The following PTPRS variants were observed in gnomAD, a reference collection of about 807,000 sequenced individuals.
PTPRS encodes protein tyrosine phosphatase receptor type S.
A neutral mutation model predicts 215.3 loss-of-function variants in PTPRS; 63 were observed. That is an observed-to-expected ratio of 0.29 (90% CI 0.24 to 0.36). The LOEUF (loss-of-function observed/expected upper bound fraction) is 0.36. Ranked by LOEUF, PTPRS falls within the 10% of genes least tolerant of loss-of-function variation. PTPRS has a pLI of 1.00. For synonymous variants in PTPRS, 1,404 were observed against 1,191.4 expected, an observed-to-expected ratio of 1.18 and a Z score of -3.68; for missense variants, 2,258 against 2,825.8, an observed-to-expected ratio of 0.80 and a Z score of 4.56.
rs1394384908 is a variant in PTPRS at position 5,315,624 on chromosome 19, T to C, written c.-95+25040A>G. ...AAGCGATCCTCCCACCTCAGCCTCCTGAGTAGCTGGGACAATAGGCAAATG... is the reference window on the plus strand; with the variant it reads ...AAGCGATCCTCCCACCTCAGCCTCCCGAGTAGCTGGGACAATAGGCAAATG... On this transcript the variant is annotated intron_variant, in intron 1 of 37. Coordinates refer to ENST00000262963, the MANE Select transcript of PTPRS (RefSeq NM_002850.4). 3.3e-5 allele frequency among the ~76,000 whole-genome samples: 5 copies of C among 150,594 alleles called. No homozygotes were observed. The East Asian group carries it at 9.8e-4, about 30-fold the overall frequency.
intron 13 of PTPRS, among the ~76,000 whole-genome samples, chr19:5,236,181 C>T (rs1449595093): frequency 6.6e-6 from 1 of 152,222 alleles, no homozygotes; most frequent in Admixed American, 6.5e-5. Flanking sequence ...TGTGGCCAGA[C>T]CCCACCCTGG....
intron 26 of PTPRS, 99 bp from the exon 27 acceptor site, chr19:5,215,694 A>G: frequency 7.1e-6 from 6 of 849,250 alleles, no homozygotes; most frequent in South Asian, 1.7e-5. Context: ...GCGATGGGTG[A>G]GCTGTGGTTA....
chr19:5,245,843 G>T lies in PTPRS; in HGVS notation c.921C>A (p.Ala307=), dbSNP rs563271719. ...TGGACATGGCCACGCAGGTGTAGTTGGCCGAGTCCTTGACATCTGTGAGTT... is the reference window on the plus strand; with the variant it reads ...TGGACATGGCCACGCAGGTGTAGTTTGCCGAGTCCTTGACATCTGTGAGTT... ...VLELTDVKDS[A]NYTCVAMSSL... Residue 307 remains alanine, a synonymous_variant, in exon 10 of 38, where the codon GCC becomes GCA. Coordinates refer to ENST00000262963, the MANE Select transcript of PTPRS (RefSeq NM_002850.4). The T allele has an allele frequency of 6.2e-7, 1 of 1,613,564 alleles. No homozygotes were observed. Among genetic ancestry groups the T allele is most frequent in the South Asian group, 1.1e-5 (1 of 90,968 alleles).
chr19:5,228,292 C>A (rs2042682586), intron 16 of PTPRS, among the ~76,000 whole-genome samples: 1 of 139,284 alleles, frequency 7.2e-6, no homozygotes, highest in Non-Finnish European at 1.5e-5. Flanking sequence ...TTGCAGTGAG[C>A]CGAGATGGCG....
chr19:5,228,345 G>GAAAAAAAAAAAAA (rs1491502602), intron 16 of PTPRS, among the ~76,000 whole-genome samples: 2,573 of 32,624 alleles, frequency 0.079, 97 homozygotes, highest in Non-Finnish European at 0.13. Flanking sequence ...ACTCCGTCTG[G>GAAAAAAAAAAAAA]AGAAAAAAAA....
At chr19:5,307,931 G>A (rs545145345) in intron 1 of PTPRS, among the ~76,000 whole-genome samples, 4 of 152,300 alleles carry the variant, frequency 2.6e-5, no homozygotes, top group South Asian at 4.1e-4. Flanking sequence ...CTCCAATGGC[G>A]GGGTTGAGTA....
intron 19 of PTPRS, 82 bp from the exon 20 acceptor site, chr19:5,221,335 C>A (rs2041958942): frequency 2.6e-6 from 4 of 1,523,058 alleles, no homozygotes; most frequent in African/African-American, 1.4e-5. Flanking sequence ...AGTCCCCCAC[C>A]CTGACTGAGC....
At chr19:5,323,739 T>G (rs1262916934) in intron 1 of PTPRS, among the ~76,000 whole-genome samples, 3 of 151,838 alleles carry the variant, frequency 2.0e-5, no homozygotes, top group African/African-American at 7.3e-5. Flanking sequence ...GGACTTGGGG[T>G]TTTCCCCCAA....
Position 5,229,317 on chromosome 19 carries a change from T to C in PTPRS, c.2375A>G (p.Tyr792Cys). The change falls in exon 16 of 38, where the codon TAT becomes TGT. Residue 792 changes from tyrosine (Y) to cysteine (C), a missense_variant and splice_region_variant. By Grantham distance (194) the Tyr-to-Cys change is radical. Coordinates refer to ENST00000262963, the MANE Select transcript of PTPRS (RefSeq NM_002850.4). ...AQWETDDTAE[Y>C]EMVITNLQPE... ...TGGGTGGCCAGGGGCGCTACTTACA[T>C]ATTCGGCCGTGTCATCCGTCTCCCA... 2 of 1,378,924 alleles carry C rather than the reference T, an allele frequency of 1.5e-6. No homozygotes were observed. The highest frequency in any genetic ancestry group is 1.9e-6 in the Non-Finnish European group (2 of 1,061,254). The allele number at this position is 1,378,924 out of a possible 1,614,324, so 85.4% of individuals were successfully genotyped here. A position where few individuals can be genotyped will look rare whatever the true frequency, so the allele number is the denominator to read the frequency against.
chr19:5,222,022 G>A (rs368568904), intron 19 of PTPRS, 101 bp downstream of exon 19: 23 of 937,218 alleles, frequency 2.5e-5, no homozygotes, highest in African/African-American at 2.4e-4. Flanking sequence ...ACTGAGCCCT[G>A]ATCCCTCACT....
rs1338990365 is a variant in PTPRS, at chr19:5,305,971, G to A, written c.-94-19737C>T. On this transcript the variant is annotated intron_variant, in intron 1 of 37. Coordinates refer to ENST00000262963, the MANE Select transcript of PTPRS (RefSeq NM_002850.4). The stretch of plus-strand genomic sequence containing the variant: ...AAAAAAAAAAAAAAAAAAAAAAAAA[G>A]GGCGAATTCCTCATGCCTGGAACAG... Among the ~76,000 whole-genome samples, 28 of 66,474 alleles carry A rather than the reference G, an allele frequency of 4.2e-4. 1 individual carries two copies. The highest frequency in any genetic ancestry group is 1.6e-3 in the African/African-American group (19 of 11,686). 43.6% of individuals were successfully genotyped at this position (66,474 alleles called of 152,430 possible). A position where few individuals can be genotyped will look rare whatever the true frequency, so the allele number is the denominator to read the frequency against.
At position 5,231,592 on chromosome 19, in the gene PTPRS, C is replaced by T. The variant is rs2043017229; in HGVS notation, c.1873G>A (p.Val625Ile). ...QSKPSAPPQD[V>I]KCVSVRSTAI... ...GTGGAGCGCACGCTGACACATTTAACGTCTTGAGGGGGGGCTGACGGTTCT... is the reference window on the plus strand; with the variant it reads ...GTGGAGCGCACGCTGACACATTTAATGTCTTGAGGGGGGGCTGACGGTTCT... The change falls in exon 14 of 38, where the codon GTT (valine) becomes ATT (isoleucine). Residue 625 changes from valine (V) to isoleucine (I), a missense_variant. Val to Ile is a conservative substitution (Grantham distance 29). Around this residue, in one of 6 missense-constraint regions of PTPRS, gnomAD observed 371 missense variants for 446.7 expected, o/e 0.83. Transcript: ENST00000262963. The T allele has an allele frequency of 3.2e-6, 5 of 1,557,760 alleles. No homozygotes were observed. The highest frequency in any genetic ancestry group is 2.3e-5 in the South Asian group (2 of 86,782).
In PTPRS at chr19:5,231,198, C is replaced by T. The variant is rs190943487; in HGVS notation, c.2155+112G>A. 1.3e-3 allele frequency: 1,579 copies of T among 1,196,226 alleles called. 22 individuals carry two copies. In the South Asian group the frequency reaches 0.018, roughly 14 times the overall value. 74.1% of individuals were successfully genotyped at this position (1,196,226 alleles called of 1,614,324 possible). On this transcript the variant is annotated intron_variant, in intron 14 of 37. Transcript: ENST00000262963. ...AGGCTGCTTGCTTCCCGACTTCCTCCGAGTGAGGCTTCCGCCCTTTGACCA... is the reference window on the plus strand; with the variant it reads ...AGGCTGCTTGCTTCCCGACTTCCTCTGAGTGAGGCTTCCGCCCTTTGACCA...
At chr19:5,235,354 T>C (rs2043357068) in intron 13 of PTPRS, among the ~76,000 whole-genome samples, 1 of 152,190 alleles carries the variant, frequency 6.6e-6, no homozygotes, top group African/African-American at 2.4e-5. Context: ...CAATACCTTA[T>C]ATAAAAATAG....
rs145278157 is a variant in PTPRS at position 5,279,381 on chromosome 19, T to A, written c.92-5037A>T. 5.1e-3 allele frequency among the ~76,000 whole-genome samples: 778 copies of A among 151,812 alleles called. 8 individuals are homozygous for A. Among genetic ancestry groups the A allele is most frequent in the African/African-American group, 0.018 (757 of 41,286 alleles). ...TTTATTTTTTCTTCTTCTTCTTATT[T>A]TTTTTTACAGAGACAGGGTCTCACT... On this transcript the variant is annotated intron_variant, in intron 2 of 37. Transcript: ENST00000262963.
At chr19:5,242,965 CAT>C (rs1295598995) in intron 11 of PTPRS, among the ~76,000 whole-genome samples, 1 of 152,056 alleles carries the variant, frequency 6.6e-6, no homozygotes, top group Non-Finnish European at 1.5e-5. Flanking sequence ...AGATTACAGA[CAT>C]GAGCCACTAC....
At chr19:5,221,698 A>C (rs1353366823) in intron 19 of PTPRS, among the ~76,000 whole-genome samples, 1 of 152,056 alleles carries the variant, frequency 6.6e-6, no homozygotes, top group Non-Finnish European at 1.5e-5. Context: ...CCCCGATCCC[A>C]GACTTGGCAC....
At chr19:5,233,601 G>A (rs1185142590) in intron 13 of PTPRS, among the ~76,000 whole-genome samples, 2 of 151,252 alleles carry the variant, frequency 1.3e-5, no homozygotes, top group Non-Finnish European at 2.9e-5. Context: ...CACTTATCAG[G>A]TACCTACTGT....
chr19:5,331,023 G>A (rs2050306187), intron 1 of PTPRS, among the ~76,000 whole-genome samples: 1 of 151,668 alleles, frequency 6.6e-6, no homozygotes, highest in Non-Finnish European at 1.5e-5. Flanking sequence ...CTGGCCCCGC[G>A]AGACGTCAGG....
Sources: allele counts gnomAD v4.1 joint callset (sites outside exome capture counted in the v4.1 genomes callset), GRCh38; gene constraint gnomAD v4.1.1; regional missense constraint gnomAD v4.1.1; transcripts MANE v1.5; gene names NCBI Gene and HGNC (gene_info 2026-07-23, HGNC 2026-07-21).